The following MYB variants were observed in gnomAD, a reference collection of about 807,000 sequenced individuals.
The protein encoded by MYB is transcriptional activator Myb.
A neutral mutation model predicts 92.9 loss-of-function variants in MYB; 28 were observed. The ratio of observed to expected loss-of-function variants is 0.30; its 90% CI spans 0.22 to 0.41. MYB has a LOEUF of 0.41. Ranked by LOEUF, MYB falls within the 10% of genes least tolerant of loss-of-function variation. MYB has a pLI of 1.00. For missense variants in MYB, 679 were observed against 929.3 expected, an observed-to-expected ratio of 0.73 and a Z score of 3.50; for synonymous variants, 295 against 329.1, an observed-to-expected ratio of 0.90 and a Z score of 1.12.
Position 135,189,759 on chromosome 6 carries a change from T to C in MYB, c.214-32T>C, listed in dbSNP as rs769004504. 5.1e-6 allele frequency: 8 copies of C among 1,576,462 alleles called. No individual in the cohort carries two copies. In the East Asian group the frequency reaches 1.8e-4, roughly 35 times the overall value. On this transcript the variant is annotated intron_variant, in intron 3 of 15. Transcript: ENST00000341911. The stretch of plus-strand genomic sequence containing the variant: ...AAATTCACGTGCTTATCACATCATA[T>C]CTTTATGGTGGTGCATACTTTATTT...
rs745832879 is a variant in MYB, at chr6:135,185,949, C to A, written c.70C>A (p.His24Asn). 3.0e-5 allele frequency: 48 copies of A among 1,613,992 alleles called. No individual in the cohort carries two copies. In the South Asian group the frequency reaches 4.3e-4, roughly 14 times the overall value. ...EDDEDFEMCD[H>N]DYDGLLPKSG... ...TGATGAGGACTTTGAGATGTGTGAC[C>A]ATGACTATGATGGGCTGCTTCCCAA... The change falls in exon 2 of 16, where the codon CAT becomes AAT. Residue 24 changes from histidine (H) to asparagine (N), a missense_variant. Transcript: ENST00000341911.
chr6:135,214,780 T>C (rs1002393904), intron 15 of MYB, among the ~76,000 whole-genome samples: 1 of 152,234 alleles, frequency 6.6e-6, no homozygotes, highest in African/African-American at 2.4e-5. Flanking sequence ...CAATTTCATG[T>C]TTCGGGAATT....
chr6:135,216,264 C>G (rs1479328716), intron 15 of MYB, among the ~76,000 whole-genome samples: 1 of 152,164 alleles, frequency 6.6e-6, no homozygotes, highest in East Asian at 1.9e-4. Context: ...ATGCTCAAGT[C>G]CCTGATATAA....
Position 135,218,206 on chromosome 6 carries a change from T to G in MYB, c.*226T>G, listed in dbSNP as rs1013079189. 1 of 447,050 alleles carries G rather than the reference T, an allele frequency of 2.2e-6. No homozygotes were observed. Among genetic ancestry groups the G allele is most frequent in the African/African-American group, 2.1e-5 (1 of 48,176 alleles). 27.7% of individuals were successfully genotyped at this position (447,050 alleles called of 1,614,324 possible). A position where few individuals can be genotyped will look rare whatever the true frequency, so the allele number is the denominator to read the frequency against. On this transcript the variant is annotated 3_prime_UTR_variant, in exon 16 of 16. Coordinates refer to ENST00000341911, the MANE Select transcript of MYB (RefSeq NM_001130173.2). ...TAACAGTCTTACCTAAATTATTAGGTAATGAATTGTAGCCAGTTGTTAATA... is the reference window on the plus strand; with the variant it reads ...TAACAGTCTTACCTAAATTATTAGGGAATGAATTGTAGCCAGTTGTTAATA...
rs923946778 is a variant in MYB, at chr6:135,201,757, C to T, written c.2061+8C>T. The T allele has an allele frequency of 9.1e-6, 13 of 1,423,558 alleles. No homozygotes were observed. Among genetic ancestry groups the T allele is most frequent in the Middle Eastern group, 1.9e-4 (1 of 5,300 alleles). 88.2% of individuals were successfully genotyped at this position (1,423,558 alleles called of 1,614,324 possible). A position where few individuals can be genotyped will look rare whatever the true frequency, so the allele number is the denominator to read the frequency against. On this transcript the variant is annotated splice_region_variant and intron_variant, in intron 14 of 15. Coordinates refer to ENST00000341911, the MANE Select transcript of MYB (RefSeq NM_001130173.2). ...CCTGTGGCAGATGCACCGGTAAGTA[C>T]GTGTGCACCAGCCCCCAAGTTGTTA... is the stretch of plus-strand genomic sequence containing the variant.
At chr6:135,207,272 T>G (rs578185362) in intron 15 of MYB, among the ~76,000 whole-genome samples, 92 of 152,360 alleles carry the variant, frequency 6.0e-4, no homozygotes, top group African/African-American at 2.2e-3. Flanking sequence ...ATAATGTTTT[T>G]ATTAAAACAG....
intron 15 of MYB, among the ~76,000 whole-genome samples, chr6:135,206,205 CAAAAAAAAAA>C (rs67836018): frequency 2.3e-5 from 2 of 87,366 alleles, no homozygotes; most frequent in Non-Finnish European, 4.3e-5. Context: ...GACTCCATCT[CAAAAAAAAAA>C]AAAAAAAAAA....
Position 135,202,691 on chromosome 6 carries a change from A to G in MYB, c.2062-526A>G, listed in dbSNP as rs187879090. On this transcript the variant is annotated intron_variant, in intron 14 of 15. Transcript: ENST00000341911. ...CCAGGTGGGTATTATTATCATTTCTATTATGTCAACTGGAAAACAGAGGCA... is the reference window on the plus strand; with the variant it reads ...CCAGGTGGGTATTATTATCATTTCTGTTATGTCAACTGGAAAACAGAGGCA... 1,704 of 298,232 alleles carry G rather than the reference A, an allele frequency of 5.7e-3. 11 individuals are homozygous for G. Among genetic ancestry groups the G allele is most frequent in the Non-Finnish European group, 7.8e-3 (1,191 of 152,126 alleles). 18.5% of individuals were successfully genotyped at this position (298,232 alleles called of 1,614,324 possible). A position where few individuals can be genotyped will look rare whatever the true frequency, so the allele number is the denominator to read the frequency against.
At chr6:135,213,658 G>A (rs1780042394) in intron 15 of MYB, among the ~76,000 whole-genome samples, 1 of 152,130 alleles carries the variant, frequency 6.6e-6, no homozygotes, top group Admixed American at 6.5e-5. Context: ...AAGGCAAGTG[G>A]ATCACTTCAG....
chr6:135,181,398 C>G lies in MYB; in HGVS notation c.-116C>G. On this transcript the variant is annotated 5_prime_UTR_variant, in exon 1 of 16. Transcript: ENST00000341911. This position sits in a 1 kb window ranked among gnomAD's most constrained non-coding sequence, Gnocchi z 5.3. Reference sequence around the variant, plus strand: ...TTTCTCCTGAGAAACTTCGCCCCAGCGGTGCGGAGCGCCGCTGCGCAGCCG... The same window carrying G: ...TTTCTCCTGAGAAACTTCGCCCCAGGGGTGCGGAGCGCCGCTGCGCAGCCG... 1.6e-6 allele frequency: 1 copy of G among 633,286 alleles called. No homozygotes were observed. The highest frequency in any genetic ancestry group is 2.1e-6 in the Non-Finnish European group (1 of 487,762). 39.2% of individuals were successfully genotyped at this position (633,286 alleles called of 1,614,324 possible). A position where few individuals can be genotyped will look rare whatever the true frequency, so the allele number is the denominator to read the frequency against.
rs1250445633 is a variant in MYB, at chr6:135,198,978, T to C, written c.1637T>C (p.Ile546Thr). ...CCTTCTTTAACTTCCACCCCCCTCATTGGTCACAAATTGACTGTTACAACA... is the reference window on the plus strand; with the variant it reads ...CCTTCTTTAACTTCCACCCCCCTCACTGGTCACAAATTGACTGTTACAACA... Reference protein sequence around the residue: ...EMPSLTSTPLIGHKLTVTTPF... With the variant: ...EMPSLTSTPLTGHKLTVTTPF... The change falls in exon 11 of 16, where the codon ATT becomes ACT. Residue 546 changes from isoleucine (I) to threonine (T), a missense_variant. Ile to Thr is a moderately conservative substitution (Grantham distance 89). Around this residue, in one of 8 missense-constraint regions of MYB, gnomAD observed 402 missense variants for 434.2 expected, o/e 0.93. Coordinates refer to ENST00000341911, the MANE Select transcript of MYB (RefSeq NM_001130173.2). 1.2e-6 allele frequency: 2 copies of C among 1,611,652 alleles called. No individual in the cohort carries two copies. The highest frequency in any genetic ancestry group is 1.7e-6 in the Non-Finnish European group (2 of 1,177,992).
intron 14 of MYB, 39 bp downstream of exon 14, chr6:135,201,788 C>T: frequency 6.3e-6 from 8 of 1,262,162 alleles, no homozygotes; most frequent in Non-Finnish European, 8.5e-6. Context: ...TGTTATGTGA[C>T]ACTGGTGCCT....
intron 10 of MYB, 123 bp from the exon 11 acceptor site, chr6:135,198,785 A>G (rs1249535000): frequency 1.4e-6 from 1 of 728,602 alleles, no homozygotes; most frequent in Admixed American, 3.3e-5. Context: ...GCTTGTTAGC[A>G]TCTTTATTAT....
intron 1 of MYB, among the ~76,000 whole-genome samples, chr6:135,185,682 G>A (rs1378119449): frequency 2.0e-5 from 3 of 152,218 alleles, no homozygotes; most frequent in Non-Finnish European, 4.4e-5. Flanking sequence ...ATAGGAAGGT[G>A]CCAGGTCCTT....
At chr6:135,200,950 G>A (rs1281457769) in intron 13 of MYB, among the ~76,000 whole-genome samples, 1 of 152,030 alleles carries the variant, frequency 6.6e-6, no homozygotes, top group African/African-American at 2.4e-5. Context: ...TTGGTGGCGG[G>A]CGCCTGTAGT....
intron 10 of MYB, among the ~76,000 whole-genome samples, 180 bp from the exon 11 acceptor site, chr6:135,198,728 C>A (rs539522255): frequency 6.6e-6 from 1 of 152,300 alleles, no homozygotes; most frequent in Admixed American, 6.5e-5. Context: ...ACACCCAAAT[C>A]CTGGGTGCTC....
Position 135,198,774 on chromosome 6 carries a change from TG to T in MYB, c.1567-133del, listed in dbSNP as rs1777675872. The T allele has an allele frequency of 1.0e-5, 7 of 686,844 alleles. No individual in the cohort carries two copies. The South Asian group carries it at 1.6e-4, about 16-fold the overall frequency. The allele number at this position is 686,844 out of a possible 1,614,324, so 42.5% of individuals were successfully genotyped here. On this transcript the variant is annotated intron_variant, in intron 10 of 15. Coordinates refer to ENST00000341911, the MANE Select transcript of MYB (RefSeq NM_001130173.2). ...AAACAATACCCTAGTCAATATAACA[TG>T]CTTGTTAGCATCTTTATTATTTAAT...
intron 9 of MYB, chr6:135,196,653 T>G: frequency 1.0e-6 from 1 of 961,936 alleles, no homozygotes; most frequent in Non-Finnish European, 1.5e-6. Flanking sequence ...TGCACACTCA[T>G]TGGTTAGGAG....
chr6:135,206,324 G>A (rs1778916191), intron 15 of MYB, among the ~76,000 whole-genome samples: 1 of 151,468 alleles, frequency 6.6e-6, no homozygotes, highest in Admixed American at 6.6e-5. Flanking sequence ...CTTAAGCCCA[G>A]GAGTTCAAGG....
Sources: gnomAD v4.1 joint callset for allele counts (sites outside exome capture counted in the v4.1 genomes callset) on GRCh38, gnomAD v4.1.1 for gene constraint, gnomAD v4.1.1 regional missense constraint, Gnocchi (gnomAD v3.1) non-coding constraint, MANE v1.5 for transcripts, NCBI Gene and HGNC (gene_info 2026-07-23, HGNC 2026-07-21) for gene names.